The following NBEAL1 variants were observed in gnomAD, a reference collection of about 807,000 sequenced individuals.
The protein encoded by NBEAL1 is neurobeachin-like protein 1.
In NBEAL1, 273 loss-of-function variants were observed where a neutral mutation model predicts 351.3. That is an observed-to-expected ratio of 0.78 (90% CI 0.70 to 0.86). The LOEUF is 0.86. NBEAL1 is among the 40% of genes least tolerant of loss of function. NBEAL1 has a pLI of 0.00. For synonymous variants in NBEAL1, 1,050 were observed against 1,086.4 expected (o/e 0.97, Z 0.66); for missense variants, 2,961 against 3,201.3 (o/e 0.92, Z 1.81).
intron 43 of NBEAL1, chr2:203,182,803 C>T (rs1341297436): frequency 2.0e-5 from 3 of 152,200 alleles, no homozygotes; most frequent in African/African-American, 7.2e-5. Context: ...ATGCCATGTT[C>T]TAACCTATGA....
At chr2:203,067,615 C>T (rs1168239620) in intron 6 of NBEAL1, among the ~76,000 whole-genome samples, 1 of 152,100 alleles carries the variant, frequency 6.6e-6, no homozygotes, top group Non-Finnish European at 1.5e-5. Context: ...TACAGAATTT[C>T]TATGTGGCTG....
At chr2:203,206,521 TTCTCCTGCC>T (rs2065569674) in intron 51 of NBEAL1, among the ~76,000 whole-genome samples, 1 of 152,156 alleles carries the variant, frequency 6.6e-6, no homozygotes. Context: ...CCCTGCCTGA[TTCTCCTGCC>T]TCAGCCTGCC....
At chr2:203,042,181 C>T (rs986114641) in intron 3 of NBEAL1, among the ~76,000 whole-genome samples, 1 of 152,258 alleles carries the variant, frequency 6.6e-6, no homozygotes. Flanking sequence ...TTAGCCACTA[C>T]AAGTCTTCGG....
intron 36 of NBEAL1, among the ~76,000 whole-genome samples, chr2:203,162,829 G>T (rs2064009559): frequency 6.6e-6 from 1 of 152,004 alleles, no homozygotes; most frequent in Non-Finnish European, 1.5e-5. Context: ...AATAAATAGA[G>T]CAGTGACCAA....
At chr2:203,096,358 T>A (rs963095105) in intron 10 of NBEAL1, among the ~76,000 whole-genome samples, 3 of 152,216 alleles carry the variant, frequency 2.0e-5, no homozygotes, top group South Asian at 2.1e-4. Flanking sequence ...TTATTTTATA[T>A]TGCATATTTC....
At chr2:203,154,666 A>G (rs572357992) in intron 35 of NBEAL1, among the ~76,000 whole-genome samples, 1 of 152,282 alleles carries the variant, frequency 6.6e-6, no homozygotes, top group Non-Finnish European at 1.5e-5. Context: ...CACCTTTTGG[A>G]ACACACCCAC....
intron 53 of NBEAL1, 24 bp downstream of exon 53, chr2:203,209,346 A>AGGTAGACTCCCAATAGC (rs750057471): frequency 5.7e-6 from 9 of 1,576,512 alleles, no homozygotes; most frequent in Admixed American, 5.0e-5. Context: ...CATGCAATAG[A>AGGTAGACTCCCAATAGC]GGTAGACTCC....
At chr2:203,020,641 A>G (rs2060754099) in intron 2 of NBEAL1, among the ~76,000 whole-genome samples, 1 of 151,244 alleles carries the variant, frequency 6.6e-6, no homozygotes, top group African/African-American at 2.4e-5. Flanking sequence ...ATTGCCTTCC[A>G]GCCTGGGTGA....
At chr2:203,070,054 T>C (rs1029418985) in intron 7 of NBEAL1, among the ~76,000 whole-genome samples, 4 of 152,180 alleles carry the variant, frequency 2.6e-5, no homozygotes, top group Non-Finnish European at 4.4e-5. Flanking sequence ...TGTTCCCCCA[T>C]GTAGAAGGGA....
Position 203,107,873 on chromosome 2 carries a change from G to T in NBEAL1, c.1634G>T (p.Gly545Val), listed in dbSNP as rs2062471188. ...TCAENLIAIHGSLGSQSVSSE... is the reference protein window; with the variant it reads ...TCAENLIAIHVSLGSQSVSSE... ...GCTGAGAACTTGATTGCAATCCATGGTTCCTTGGGGAGTCAGTCAGTGAGC... is the reference window on the plus strand; with the variant it reads ...GCTGAGAACTTGATTGCAATCCATGTTTCCTTGGGGAGTCAGTCAGTGAGC... Residue 545 changes from glycine (G) to valine (V), a missense_variant, in exon 14 of 56, where the codon GGT becomes GTT. Coordinates refer to ENST00000683969, the MANE Select transcript of NBEAL1 (RefSeq NM_001378026.1). The T allele has an allele frequency of 6.4e-7, 1 of 1,554,192 alleles. No individual in the cohort carries two copies.
intron 44 of NBEAL1, among the ~76,000 whole-genome samples, chr2:203,184,020 G>A (rs1029082974): frequency 3.5e-5 from 5 of 144,476 alleles, no homozygotes; most frequent in Non-Finnish European, 7.5e-5. Context: ...TGAGGTTGCA[G>A]TGAGCTGAGA....
At chr2:203,161,680 TAAAA>T (rs2063967160) in intron 36 of NBEAL1, among the ~76,000 whole-genome samples, 1 of 126,120 alleles carries the variant, frequency 7.9e-6, no homozygotes, top group Non-Finnish European at 1.7e-5. Context: ...AATAAATAAA[TAAAA>T]GCCAGCATGG....
chr2:203,135,245 C>G (rs1403842227), intron 27 of NBEAL1, among the ~76,000 whole-genome samples: 1 of 151,030 alleles, frequency 6.6e-6, no homozygotes, highest in Non-Finnish European at 1.5e-5. Context: ...CAGTTTCTAT[C>G]AAAATGTCTT....
chr2:203,116,032 G>C lies in NBEAL1; in HGVS notation c.2554G>C (p.Asp852His). 2 of 1,553,552 alleles carry C rather than the reference G, an allele frequency of 1.3e-6. No individual in the cohort carries two copies. Among genetic ancestry groups the C allele is most frequent in the Non-Finnish European group, 1.7e-6 (2 of 1,147,384 alleles). ...PWKCQESDMA[D>H]LPGNILLYYT... ...GAAGTGTCAAGAGTCTGACATGGCC[G>C]ACCTGCCTGGTAACATCCTTCTTTA... The change falls in exon 18 of 56, where the codon GAC becomes CAC. Residue 852 changes from aspartate (D) to histidine (H), a missense_variant. Coordinates refer to ENST00000683969, the MANE Select transcript of NBEAL1 (RefSeq NM_001378026.1).
chr2:203,192,607 A>G (rs2065123081), intron 46 of NBEAL1, among the ~76,000 whole-genome samples: 1 of 151,946 alleles, frequency 6.6e-6, no homozygotes, highest in South Asian at 2.1e-4. Context: ...GCTGGTCTTG[A>G]ACTCCTGACC....
intron 42 of NBEAL1, among the ~76,000 whole-genome samples, chr2:203,179,343 C>T (rs1398415909): frequency 6.6e-6 from 1 of 152,130 alleles, no homozygotes; most frequent in African/African-American, 2.4e-5. Context: ...GTGGCCTGGG[C>T]CTCTTAGTCC....
At position 203,107,436 on chromosome 2, in the gene NBEAL1, G is replaced by T. The variant is rs1411556151; in HGVS notation, c.1286G>T (p.Arg429Ile). Residue 429 changes from arginine to isoleucine, a missense_variant, in exon 13 of 56, where the codon AGA becomes ATA. Transcript: ENST00000683969. The stretch of plus-strand genomic sequence containing the variant: ...ATCCCCTAGGAAGTATTTAAAGAAA[G>T]AATTGGTTATACACATATGCTTGAA... ...SPAAKEVFKE[R>I]IGYTHMLEVL... The T allele has an allele frequency of 3.2e-6, 5 of 1,543,370 alleles. No individual in the cohort carries two copies. The highest frequency in any genetic ancestry group is 2.0e-5 in the Admixed American group (1 of 50,456).
intron 7 of NBEAL1, among the ~76,000 whole-genome samples, chr2:203,069,827 T>TAA: frequency 6.6e-6 from 1 of 152,158 alleles, no homozygotes; most frequent in East Asian, 1.9e-4. Context: ...CTGGCTAATA[T>TAA]AAAAAAATTT....
chr2:203,031,702 A>G (rs2060951548), intron 2 of NBEAL1, among the ~76,000 whole-genome samples: 1 of 152,242 alleles, frequency 6.6e-6, no homozygotes, highest in Admixed American at 6.5e-5. Flanking sequence ...AAATGGGGGA[A>G]AAATTGGAAT....
Sources: allele counts gnomAD v4.1 joint callset (sites outside exome capture counted in the v4.1 genomes callset), GRCh38; gene constraint gnomAD v4.1.1; transcripts MANE v1.5; gene names NCBI Gene and HGNC (gene_info 2026-07-23, HGNC 2026-07-21).